The following PTPRM variants were observed in gnomAD, a reference collection of about 807,000 sequenced individuals.
The protein encoded by PTPRM is protein tyrosine phosphatase receptor type M.
Under a neutral mutation model 186.7 loss-of-function variants are expected in PTPRM, and 47 were observed. The observed-to-expected ratio is 0.25, with a 90% CI of 0.20 to 0.32. The LOEUF (loss-of-function observed/expected upper bound fraction) is 0.32. PTPRM is among the 10% of genes least tolerant of loss of function. The pLI, the probability that PTPRM is intolerant of heterozygous loss-of-function variation, is 1.00. For synonymous variants in PTPRM, 668 were observed against 674.9 expected, an observed-to-expected ratio of 0.99 and a Z score of 0.16; for missense variants, 1,494 against 1,865.0, an observed-to-expected ratio of 0.80 and a Z score of 3.66.
At chr18:8,203,378 G>A (rs1215118439) in intron 14 of PTPRM, among the ~76,000 whole-genome samples, 1 of 152,142 alleles carries the variant, frequency 6.6e-6, no homozygotes, top group Admixed American at 6.5e-5. Context: ...AGTTTTTGTA[G>A]AACAACTGGC....
At chr18:7,908,650 T>C (rs192831773) in intron 4 of PTPRM, among the ~76,000 whole-genome samples, 1 of 152,346 alleles carries the variant, frequency 6.6e-6, no homozygotes, top group African/African-American at 2.4e-5. Flanking sequence ...AAGGCAGATG[T>C]TACTTTTGTG....
At chr18:8,218,827 A>G (rs2094120075) in intron 14 of PTPRM, among the ~76,000 whole-genome samples, 2 of 152,224 alleles carry the variant, frequency 1.3e-5, no homozygotes, top group African/African-American at 4.8e-5. Context: ...CCAAAGAATA[A>G]GTTGAATTTA....
chr18:8,121,633 T>A (rs2092177190), intron 13 of PTPRM, among the ~76,000 whole-genome samples: 1 of 152,214 alleles, frequency 6.6e-6, no homozygotes. Flanking sequence ...TACTTGGAGA[T>A]GCATTTTTTA....
intron 7 of PTPRM, chr18:7,995,864 T>C (rs1432174390): frequency 6.6e-6 from 1 of 152,190 alleles, no homozygotes; most frequent in Non-Finnish European, 1.5e-5. Context: ...AGCAGGCAAA[T>C]TGTTTTGAGA....
rs673623 is a variant in PTPRM, at chr18:8,121,274, G to A, written c.2167+6447G>A. Among the ~76,000 whole-genome samples the A allele has an allele frequency of 2.3e-3, 353 of 152,286 alleles. 1 individual carries two copies. The highest frequency in any genetic ancestry group is 8.2e-3 in the African/African-American group (340 of 41,552). ...GCAGCAGTTTTGGGTTTAATTGTCT[G>A]CAGATGGTAGATGATCTATTTTCCT... On this transcript the variant is annotated intron_variant, in intron 13 of 32. Coordinates refer to ENST00000580170, the MANE Select transcript of PTPRM (RefSeq NM_001105244.2).
At chr18:8,181,071 G>T (rs2093566330) in intron 14 of PTPRM, among the ~76,000 whole-genome samples, 1 of 152,198 alleles carries the variant, frequency 6.6e-6, no homozygotes. Context: ...ACTCAAGTAT[G>T]GAGGCATACT....
At chr18:8,314,893 G>T (rs1050040596) in intron 21 of PTPRM, 36 bp downstream of exon 21, 1 of 1,365,510 alleles carries the variant, frequency 7.3e-7, no homozygotes, top group Non-Finnish European at 1.0e-6. Context: ...ATATATAATT[G>T]TTGTACATAT....
intron 14 of PTPRM, among the ~76,000 whole-genome samples, chr18:8,213,121 T>C (rs1165413072): frequency 2.0e-5 from 3 of 152,248 alleles, no homozygotes; most frequent in African/African-American, 7.2e-5. Context: ...TCCACTTGCC[T>C]GTGAGTCATG....
intron 14 of PTPRM, among the ~76,000 whole-genome samples, chr18:8,167,695 C>G (rs1277979144): frequency 6.6e-6 from 1 of 151,648 alleles, no homozygotes; most frequent in Non-Finnish European, 1.5e-5. Context: ...AGATGCCATG[C>G]AGCAGGAGGA....
chr18:7,795,779 T>A (rs1028251031), intron 2 of PTPRM, among the ~76,000 whole-genome samples: 1 of 151,828 alleles, frequency 6.6e-6, no homozygotes, highest in African/African-American at 2.4e-5. Flanking sequence ...ATATTACCAC[T>A]ATTTTTATCG....
intron 19 of PTPRM, among the ~76,000 whole-genome samples, chr18:8,287,645 T>G (rs1330311606): frequency 6.6e-6 from 1 of 152,176 alleles, no homozygotes; most frequent in African/African-American, 2.4e-5. Context: ...TACTGCTCTC[T>G]AAGGATCTGG....
chr18:8,374,214 AAG>A (rs953964832), intron 24 of PTPRM, among the ~76,000 whole-genome samples: 4 of 152,124 alleles, frequency 2.6e-5, no homozygotes, highest in African/African-American at 9.7e-5. Flanking sequence ...TGCTCAGAAA[AAG>A]AGTCTTAGAT....
intron 14 of PTPRM, among the ~76,000 whole-genome samples, chr18:8,182,491 G>A (rs1176179293): frequency 6.6e-6 from 1 of 152,198 alleles, no homozygotes; most frequent in Non-Finnish European, 1.5e-5. Flanking sequence ...TCACACTAGT[G>A]ATAGTACCCT....
chr18:8,132,687 G>A (rs2092540924), intron 13 of PTPRM, among the ~76,000 whole-genome samples: 2 of 152,098 alleles, frequency 1.3e-5, no homozygotes, highest in South Asian at 4.1e-4. Flanking sequence ...TGCAAGTATT[G>A]AGTTTATAAC....
chr18:7,822,252 T>A (rs2045240100), intron 2 of PTPRM, among the ~76,000 whole-genome samples: 1 of 152,242 alleles, frequency 6.6e-6, no homozygotes, highest in South Asian at 2.1e-4. Flanking sequence ...CTAAACTATC[T>A]CATCCACTTC....
intron 2 of PTPRM, among the ~76,000 whole-genome samples, chr18:7,870,728 T>G (rs930080361): frequency 1.3e-5 from 2 of 152,218 alleles, no homozygotes; most frequent in Non-Finnish European, 2.9e-5. Flanking sequence ...CTGAAGATTT[T>G]TTTTCCTCAA....
intron 1 of PTPRM, among the ~76,000 whole-genome samples, chr18:7,734,629 A>G (rs1477286385): frequency 1.3e-5 from 2 of 152,210 alleles, no homozygotes; most frequent in African/African-American, 4.8e-5. Context: ...CTACAGATCT[A>G]TTACCTATGT....
chr18:7,919,949 TG>T (rs1345435428), intron 4 of PTPRM, among the ~76,000 whole-genome samples: 1 of 152,144 alleles, frequency 6.6e-6, no homozygotes, highest in Non-Finnish European at 1.5e-5. Flanking sequence ...TTACCATTTT[TG>T]TTTTTACAGT....
chr18:8,284,445 T>C (rs1601627175), intron 19 of PTPRM, among the ~76,000 whole-genome samples: 2 of 152,222 alleles, frequency 1.3e-5, no homozygotes, highest in Non-Finnish European at 2.9e-5. Context: ...AACTAATTGT[T>C]ATCCTTTCAG....
Sources: gnomAD v4.1 joint callset for allele counts (sites outside exome capture counted in the v4.1 genomes callset) on GRCh38, gnomAD v4.1.1 for gene constraint, MANE v1.5 for transcripts, NCBI Gene and HGNC (gene_info 2026-07-23, HGNC 2026-07-21) for gene names.